Variants in SPTSSA observed in about 807,000 individuals in gnomAD.
SPTSSA encodes the protein serine palmitoyltransferase small subunit A, also known as small subunit of serine palmitoyltransferase A.
In SPTSSA, 8 loss-of-function variants were observed where a neutral mutation model predicts 9.1. The observed-to-expected ratio is 0.88, with a 90% CI of 0.51 to 1.58. SPTSSA has a LOEUF of 1.58. Ranked by LOEUF, SPTSSA falls within the 40% of genes most tolerant of loss-of-function variation. SPTSSA has a pLI of 0.00. For synonymous variants in SPTSSA, 42 were observed against 37.7 expected, an observed-to-expected ratio of 1.11 and a Z score of -0.41; for missense variants, 100 against 93.8, an observed-to-expected ratio of 1.07 and a Z score of -0.27.
At chr14:34,458,537 C>T (rs1329319047) in intron 1 of SPTSSA, among the ~76,000 whole-genome samples, 1 of 151,046 alleles carries the variant, frequency 6.6e-6, no homozygotes, top group East Asian at 1.9e-4. Flanking sequence ...TGCTCTGTGG[C>T]CCAGGCTGGA....
chr14:34,443,227 G>T (rs866057588), intron 1 of SPTSSA, among the ~76,000 whole-genome samples: 1 of 95,140 alleles, frequency 1.1e-5, no homozygotes. Context: ...GTGTGTGTGT[G>T]TGTGTGTGTG....
At chr14:34,454,542 A>G (rs1883579650) in intron 1 of SPTSSA, among the ~76,000 whole-genome samples, 1 of 152,234 alleles carries the variant, frequency 6.6e-6, no homozygotes, top group African/African-American at 2.4e-5. Flanking sequence ...GAATCAGCCA[A>G]ATATAAAGGC....
chr14:34,456,129 C>T (rs372082353), intron 1 of SPTSSA, among the ~76,000 whole-genome samples: 84 of 150,750 alleles, frequency 5.6e-4, no homozygotes, highest in African/African-American at 1.8e-3. Flanking sequence ...CGAGACCATC[C>T]GGCTAACATG....
At chr14:34,435,619 T>C (rs1319923683) in intron 1 of SPTSSA, among the ~76,000 whole-genome samples, 1 of 142,274 alleles carries the variant, frequency 7.0e-6, no homozygotes, top group Non-Finnish European at 1.5e-5. Flanking sequence ...GTTTGTTTGT[T>C]TCTCTTTTTT....
At chr14:34,442,045 T>G (rs1441413470) in intron 1 of SPTSSA, among the ~76,000 whole-genome samples, 1 of 152,016 alleles carries the variant, frequency 6.6e-6, no homozygotes, top group Non-Finnish European at 1.5e-5. Flanking sequence ...CCGGCTAATT[T>G]TTGTATTTTT....
chr14:34,456,593 T>G (rs879191412), intron 1 of SPTSSA, among the ~76,000 whole-genome samples: 3 of 151,566 alleles, frequency 2.0e-5, no homozygotes, highest in Non-Finnish European at 4.4e-5. Flanking sequence ...TGACTTTATT[T>G]TTTAATGAAT....
intron 1 of SPTSSA, among the ~76,000 whole-genome samples, chr14:34,448,814 A>G (rs1883469109): frequency 6.6e-6 from 1 of 152,134 alleles, no homozygotes; most frequent in African/African-American, 2.4e-5. Context: ...CCTGGGCAAC[A>G]TGGCAAAACC....
chr14:34,446,547 C>A (rs533948652), intron 1 of SPTSSA, among the ~76,000 whole-genome samples: 1 of 152,174 alleles, frequency 6.6e-6, no homozygotes, highest in Non-Finnish European at 1.5e-5. Context: ...AGGTAAGAAA[C>A]CTTAATGGTA....
chr14:34,461,590 G>A (rs1211957916), intron 1 of SPTSSA, among the ~76,000 whole-genome samples: 1 of 152,146 alleles, frequency 6.6e-6, no homozygotes, highest in African/African-American at 2.4e-5. Flanking sequence ...AAAACTACTG[G>A]AGTGTCATGC....
At chr14:34,437,368 G>A (rs926962979) in intron 1 of SPTSSA, among the ~76,000 whole-genome samples, 5 of 152,146 alleles carry the variant, frequency 3.3e-5, no homozygotes, top group Admixed American at 2.6e-4. Flanking sequence ...TTTCCTTTAT[G>A]ATGGATGATA....
intron 1 of SPTSSA, among the ~76,000 whole-genome samples, chr14:34,444,578 C>G (rs984613879): frequency 6.6e-6 from 1 of 151,990 alleles, no homozygotes; most frequent in Admixed American, 6.6e-5. Flanking sequence ...ATAGTGAAAC[C>G]CTGTCTCTAC....
At chr14:34,440,519 G>A (rs1330795040) in intron 1 of SPTSSA, among the ~76,000 whole-genome samples, 1 of 152,136 alleles carries the variant, frequency 6.6e-6, no homozygotes, top group Admixed American at 6.5e-5. Context: ...CTTCAATTTA[G>A]TATGGAGAAT....
chr14:34,441,959 T>G (rs1032722459), intron 1 of SPTSSA, among the ~76,000 whole-genome samples: 1 of 151,810 alleles, frequency 6.6e-6, no homozygotes, highest in African/African-American at 2.4e-5. Flanking sequence ...CACTGCAACC[T>G]CCGCCTCCCG....
Position 34,435,295 on chromosome 14 carries a change from A to C in SPTSSA, c.122T>G (p.Leu41Arg). The C allele has an allele frequency of 6.2e-7, 1 of 1,611,056 alleles. No individual in the cohort carries two copies. Among genetic ancestry groups the C allele is most frequent in the Non-Finnish European group, 8.5e-7 (1 of 1,178,086 alleles). The part of the protein sequence containing the change: ...PWERTVFNSM[L>R]VSIVGMALYT... ...TAGTGCCATCCCCACAATGGAAACC[A>C]GCATGGAATCTGAGTTGTAGTTAAG... Residue 41 changes from leucine to arginine, a missense_variant, in exon 2 of 2, where the codon CTG (leucine) becomes CGG (arginine). By Grantham distance (102) the Leu-to-Arg change is moderately radical. Coordinates refer to ENST00000298130, the MANE Select transcript of SPTSSA (RefSeq NM_138288.4).
rs1344391003 is a variant in SPTSSA, at chr14:34,434,372, A to G, written c.*829T>C. On this transcript the variant is annotated 3_prime_UTR_variant, in exon 2 of 2. Coordinates refer to ENST00000298130, the MANE Select transcript of SPTSSA (RefSeq NM_138288.4). ...AATGCAGCACCCATTACAATCATTA[A>G]ACTAAATTTAAGGAAGTACATTGTT... 6.6e-6 allele frequency: 1 copy of G among 152,620 alleles called. No individual in the cohort carries two copies. Among genetic ancestry groups the G allele is most frequent in the Non-Finnish European group, 1.5e-5 (1 of 68,026 alleles). The allele number at this position is 152,620 out of a possible 1,614,324, so 9.5% of individuals were successfully genotyped here. A position where few individuals can be genotyped will look rare whatever the true frequency, so the allele number is the denominator to read the frequency against.
intron 1 of SPTSSA, among the ~76,000 whole-genome samples, chr14:34,457,371 C>A (rs1878506451): frequency 6.6e-6 from 1 of 152,140 alleles, no homozygotes; most frequent in South Asian, 2.1e-4. Context: ...GGTTACAAAA[C>A]CTGGTCTTTT....
rs987871041 is a variant in SPTSSA, at chr14:34,432,873, T to C, written c.*2328A>G. Reference sequence around the variant, plus strand: ...AGCCATAATGCTACTGCACACTTAATAGACTACAGGATGGTGTAAATGTAA... The same window carrying C: ...AGCCATAATGCTACTGCACACTTAACAGACTACAGGATGGTGTAAATGTAA... On this transcript the variant is annotated 3_prime_UTR_variant, in exon 2 of 2. Transcript: ENST00000298130. 5.3e-5 allele frequency: 8 copies of C among 151,894 alleles called. No individual in the cohort carries two copies. The highest frequency in any genetic ancestry group is 1.5e-4 in the African/African-American group (6 of 41,358). The allele number at this position is 151,894 out of a possible 1,614,324, so 9.4% of individuals were successfully genotyped here.
chr14:34,443,582 C>G (rs1883368660), intron 1 of SPTSSA, among the ~76,000 whole-genome samples: 1 of 139,260 alleles, frequency 7.2e-6, no homozygotes, highest in African/African-American at 2.7e-5. Flanking sequence ...CATTACCCAG[C>G]TGGAGTGCAA....
Position 34,434,673 on chromosome 14 carries a change from A to G in SPTSSA, c.*528T>C, listed in dbSNP as rs1883210901. On this transcript the variant is annotated 3_prime_UTR_variant, in exon 2 of 2. Transcript: ENST00000298130. ...AGCTAAAACTGTACTCCTGAGTTCAAGCTTACAGATAAATCTTTTGTTAAG... is the reference window on the plus strand; with the variant it reads ...AGCTAAAACTGTACTCCTGAGTTCAGGCTTACAGATAAATCTTTTGTTAAG... The G allele has an allele frequency of 6.6e-6, 1 of 152,652 alleles. No individual in the cohort carries two copies. The highest frequency in any genetic ancestry group is 1.5e-5 in the Non-Finnish European group (1 of 68,046). 9.5% of individuals were successfully genotyped at this position (152,652 alleles called of 1,614,324 possible). A position where few individuals can be genotyped will look rare whatever the true frequency, so the allele number is the denominator to read the frequency against.
Sources: allele counts gnomAD v4.1 joint callset (sites outside exome capture counted in the v4.1 genomes callset), GRCh38; gene constraint gnomAD v4.1.1; transcripts MANE v1.5; gene names NCBI Gene and HGNC (gene_info 2026-07-23, HGNC 2026-07-21).